Variants in NAALADL2 observed in about 807,000 individuals in gnomAD.
NAALADL2 encodes the protein inactive N-acetylated-alpha-linked acidic dipeptidase-like protein 2.
NAALADL2 carries 76 observed loss-of-function variants against 87.2 expected under a neutral mutation model. The ratio of observed to expected loss-of-function variants is 0.87; its 90% confidence interval spans 0.72 to 1.05. The LOEUF (loss-of-function observed/expected upper bound fraction) is 1.05, where lower values mean the gene tolerates loss of function less well. Ranked by LOEUF, NAALADL2 falls within the 50% of genes least tolerant of loss-of-function variation. The pLI is 0.00. For missense variants in NAALADL2, 1,089 were observed against 945.8 expected (o/e 1.15, Z -1.99); for synonymous variants, 354 against 331.0 (o/e 1.07, Z -0.75).
At chr3:175,064,247 GAAA>G (rs368197778) in intron 1 of NAALADL2, among the ~76,000 whole-genome samples, 2 of 116,216 alleles carry the variant, frequency 1.7e-5, no homozygotes, top group African/African-American at 3.1e-5. Context: ...GGGAAAAGAA[GAAA>G]AAAAAAAAAA....
rs1244400650 is a variant in NAALADL2, at chr3:175,718,195, G to GTTT, written c.1897-19085_1897-19083dup. ...TGGAGGGGAAGGGGAAGGGCCTGTGGTTTTTTTTTTTTTTTTTTTTTTTTT... is the reference window on the plus strand; with the variant it reads ...TGGAGGGGAAGGGGAAGGGCCTGTGGTTTTTTTTTTTTTTTTTTTTTTTTTTTT... On this transcript the variant is annotated intron_variant, in intron 11 of 13. Transcript: ENST00000454872. 2.9e-4 allele frequency: 236 copies of GTTT among 823,312 alleles called. 49 individuals are homozygous for GTTT. The highest frequency in any genetic ancestry group is 1.7e-3 in the African/African-American group (53 of 31,576). 51.0% of individuals were successfully genotyped at this position (823,312 alleles called of 1,614,324 possible).
At chr3:175,226,747 A>G (rs1448792446) in intron 2 of NAALADL2, among the ~76,000 whole-genome samples, 1 of 152,154 alleles carries the variant, frequency 6.6e-6, no homozygotes, top group Non-Finnish European at 1.5e-5. Flanking sequence ...TTTCATTGGC[A>G]TGCCATTAGT....
chr3:174,847,987 A>T, intron 3 of NAALADL2, among the ~76,000 whole-genome samples: 1 of 149,964 alleles, frequency 6.7e-6, no homozygotes, highest in East Asian at 1.9e-4. Context: ...GTATCTAAGT[A>T]TTCTAACTCT....
chr3:175,131,637 C>T (rs1189011794), intron 2 of NAALADL2, among the ~76,000 whole-genome samples: 3 of 152,284 alleles, frequency 2.0e-5, no homozygotes, highest in South Asian at 2.1e-4. Context: ...CATCCTGGCC[C>T]GTTCTCAATG....
At chr3:175,494,065 T>C (rs11709012) in intron 9 of NAALADL2, among the ~76,000 whole-genome samples, 57,085 of 151,838 alleles carry the variant, frequency 0.38, 12,822 homozygotes, top group African/African-American at 0.63. Flanking sequence ...AAGAGAAACA[T>C]GCAAAAAATA....
chr3:175,131,955 C>G (rs1368582494), intron 2 of NAALADL2, among the ~76,000 whole-genome samples: 1 of 116,462 alleles, frequency 8.6e-6, no homozygotes. Flanking sequence ...CGGGCAGAGG[C>G]GCCCCTCACC....
At chr3:174,825,731 A>G (rs2109347452) in intron 3 of NAALADL2, among the ~76,000 whole-genome samples, 1 of 152,266 alleles carries the variant, frequency 6.6e-6, no homozygotes, top group East Asian at 1.9e-4. Context: ...TTGAGTCCTT[A>G]AACATCTTTT....
At chr3:174,877,162 G>A (rs1351820175) in intron 1 of NAALADL2, among the ~76,000 whole-genome samples, 1 of 151,586 alleles carries the variant, frequency 6.6e-6, no homozygotes, top group Non-Finnish European at 1.5e-5. Flanking sequence ...ATGCATTTTG[G>A]GGGGAGACAA....
At chr3:174,815,667 A>G (rs189880526) in intron 3 of NAALADL2, among the ~76,000 whole-genome samples, 9 of 152,228 alleles carry the variant, frequency 5.9e-5, no homozygotes, top group South Asian at 4.1e-4. Context: ...AAGCCACAGG[A>G]CTTGTAGTAT....
chr3:175,148,170 T>C (rs1731054556), intron 2 of NAALADL2, among the ~76,000 whole-genome samples: 2 of 150,326 alleles, frequency 1.3e-5, no homozygotes, highest in Admixed American at 1.3e-4. Context: ...TGCTATCTCA[T>C]TGTGGTTTTG....
chr3:175,469,417 G>A (rs946039468), intron 8 of NAALADL2, among the ~76,000 whole-genome samples: 4 of 151,948 alleles, frequency 2.6e-5, no homozygotes, highest in Non-Finnish European at 5.9e-5. Flanking sequence ...AGCCCTTATT[G>A]ACATGTCATA....
At chr3:174,920,002 A>T (rs1361908457) in intron 1 of NAALADL2, among the ~76,000 whole-genome samples, 1 of 152,214 alleles carries the variant, frequency 6.6e-6, no homozygotes, top group Non-Finnish European at 1.5e-5. Context: ...ATAGGTCTCG[A>T]CAGTGGGCTT....
intron 1 of NAALADL2, among the ~76,000 whole-genome samples, chr3:174,932,845 C>T (rs111747856): frequency 2.6e-5 from 4 of 152,226 alleles, no homozygotes; most frequent in African/African-American, 4.8e-5. Context: ...AGTCTGGGCA[C>T]GGTGGCTCAC....
At chr3:175,137,540 A>G (rs1485632820) in intron 2 of NAALADL2, among the ~76,000 whole-genome samples, 2 of 151,950 alleles carry the variant, frequency 1.3e-5, no homozygotes, top group African/African-American at 2.4e-5. Context: ...CATAAAATAT[A>G]TCTCACATTC....
intron 1 of NAALADL2, among the ~76,000 whole-genome samples, chr3:175,039,721 G>T (rs1468413173): frequency 6.6e-6 from 1 of 152,074 alleles, no homozygotes; most frequent in African/African-American, 2.4e-5. Context: ...TCTTAGTGTA[G>T]GAAATTCTAT....
In NAALADL2 at chr3:175,129,665, T is replaced by C. The variant is rs182877889; in HGVS notation, c.545+32374T>C. Among the ~76,000 whole-genome samples the C allele has an allele frequency of 1.4e-4, 22 of 152,360 alleles. No individual in the cohort carries two copies. In the East Asian group the frequency reaches 4.2e-3, roughly 29 times the overall value. On this transcript the variant is annotated intron_variant, in intron 2 of 13. Coordinates refer to ENST00000454872, the MANE Select transcript of NAALADL2 (RefSeq NM_207015.3). Reference sequence around the variant, plus strand: ...TTTAAGGCTTAATAATATTTCATTGTATATCTATACACATGTATATGTATA... The same window carrying C: ...TTTAAGGCTTAATAATATTTCATTGCATATCTATACACATGTATATGTATA...
chr3:175,421,719 A>G (rs1715728264), intron 5 of NAALADL2, among the ~76,000 whole-genome samples: 1 of 152,110 alleles, frequency 6.6e-6, no homozygotes, highest in Admixed American at 6.6e-5. Context: ...AATGCAAGTT[A>G]GGATCATGAT....
intron 2 of NAALADL2, among the ~76,000 whole-genome samples, chr3:175,189,805 G>A (rs1737880722): frequency 1.3e-5 from 2 of 152,128 alleles, no homozygotes; most frequent in Admixed American, 1.3e-4. Flanking sequence ...TACAATTCTT[G>A]ATTTAAAATT....
At chr3:174,473,125 A>G (rs1346961709) in intron 1 of NAALADL2, among the ~76,000 whole-genome samples, 2 of 152,126 alleles carry the variant, frequency 1.3e-5, no homozygotes, top group Non-Finnish European at 2.9e-5. Context: ...AAAATCTTCA[A>G]ACCAAAATTT....
Sources: gnomAD v4.1 joint callset for allele counts (sites outside exome capture counted in the v4.1 genomes callset) on GRCh38, gnomAD v4.1.1 for gene constraint, MANE v1.5 for transcripts, NCBI Gene and HGNC (gene_info 2026-07-23, HGNC 2026-07-21) for gene names.